Variants in ZSCAN20 observed in about 807,000 individuals in gnomAD.
ZSCAN20 encodes zinc finger and SCAN domain-containing protein 20.
ZSCAN20 carries 39 observed loss-of-function variants against 97.1 expected under a neutral mutation model. The ratio of observed to expected loss-of-function variants is 0.40; its 90% confidence interval spans 0.31 to 0.52. The LOEUF (loss-of-function observed/expected upper bound fraction) is 0.52. Ranked by LOEUF, ZSCAN20 falls within the 20% of genes least tolerant of loss-of-function variation. ZSCAN20 has a pLI of 0.49. For missense variants in ZSCAN20, 1,115 were observed against 1,290.4 expected (o/e 0.86, Z 2.08); for synonymous variants, 456 against 467.3 (o/e 0.98, Z 0.31).
rs12046307 is a variant in ZSCAN20 at position 33,499,384 on chromosome 1, G to A, written c.*3908G>A. Reference sequence around the variant, plus strand: ...CCTTTCTTTCTCTCTTTTCTTCTGTGTAGATGCTAATGACTTCCAGATCTG... The same window carrying A: ...CCTTTCTTTCTCTCTTTTCTTCTGTATAGATGCTAATGACTTCCAGATCTG... On this transcript the variant is annotated 3_prime_UTR_variant, in exon 8 of 8. Transcript: ENST00000684572. Among the ~76,000 whole-genome samples, 22,462 of 151,784 alleles carry A rather than the reference G, an allele frequency of 0.15. 2,169 individuals carry two copies. Among genetic ancestry groups the A allele is most frequent in the East Asian group, 0.38 (1,955 of 5,148 alleles).
In ZSCAN20 at chr1:33,497,109, C is replaced by T. The variant is rs1052801167; in HGVS notation, c.*1633C>T. ...TACCTATCAGATAGTGGATGTGAAG[C>T]AGCCTTGAAGAATGGAACTTTTATT... is the stretch of plus-strand genomic sequence containing the variant. On this transcript the variant is annotated 3_prime_UTR_variant, in exon 8 of 8. Coordinates refer to ENST00000684572, the MANE Select transcript of ZSCAN20 (RefSeq NM_001377376.1). Among the ~76,000 whole-genome samples, 4 of 152,290 alleles carry T rather than the reference C, an allele frequency of 2.6e-5. No homozygotes were observed. The highest frequency in any genetic ancestry group is 9.6e-5 in the African/African-American group (4 of 41,562).
intron 7 of ZSCAN20, among the ~76,000 whole-genome samples, chr1:33,494,014 C>T (rs1272762669): frequency 2.0e-5 from 3 of 152,210 alleles, no homozygotes; most frequent in Non-Finnish European, 4.4e-5. Context: ...GAGTCCATTC[C>T]TCAGCTTTGC....
intron 1 of ZSCAN20, among the ~76,000 whole-genome samples, chr1:33,476,793 T>C (rs1346166061): frequency 6.6e-6 from 1 of 152,230 alleles, no homozygotes; most frequent in East Asian, 1.9e-4. Context: ...TTTCTACATA[T>C]GTGATCTCTC....
chr1:33,479,660 C>T lies in ZSCAN20; in HGVS notation c.372C>T (p.Ala124=), dbSNP rs1267001045. ...CTGAGAGTGGTGAGGAGGCTGTGGC[C>T]TTGGTGGAGGATTGGCACCGAGAGA... ...RHPESGEEAV[A]LVEDWHRETR... The change falls in exon 2 of 8, where the codon GCC becomes GCT. Residue 124 remains alanine, a synonymous_variant. Transcript: ENST00000684572. 4 of 1,596,526 alleles carry T rather than the reference C, an allele frequency of 2.5e-6. No homozygotes were observed. The highest frequency in any genetic ancestry group is 2.2e-5 in the South Asian group (2 of 89,154).
chr1:33,495,100 C>A lies in ZSCAN20; in HGVS notation c.2756C>A (p.Ala919Asp), dbSNP rs779066484. 9 of 1,610,174 alleles carry A rather than the reference C, an allele frequency of 5.6e-6. No individual in the cohort carries two copies. Among genetic ancestry groups the A allele is most frequent in the Non-Finnish European group, 7.6e-6 (9 of 1,177,460 alleles). The change falls in exon 8 of 8, where the codon GCC (alanine) becomes GAC (aspartate). Residue 919 changes from alanine (A) to aspartate (D), a missense_variant. Physicochemically the swap from Ala to Asp is moderately radical, Grantham distance 126 (BLOSUM62 -2). Transcript: ENST00000684572. ...AGCTTCAGTAAGAGCTCCACCCTGG[C>A]CAACCACCAGCGCACCCACACTGGA... ...GKSFSKSSTLANHQRTHTGEK... is the reference protein window; with the variant it reads ...GKSFSKSSTLDNHQRTHTGEK...
Position 33,491,183 on chromosome 1 carries a change from G to A in ZSCAN20, c.925G>A (p.Glu309Lys). The A allele has an allele frequency of 1.2e-6, 2 of 1,614,190 alleles. No individual in the cohort carries two copies. The highest frequency in any genetic ancestry group is 1.7e-6 in the Non-Finnish European group (2 of 1,180,038). The change falls in exon 6 of 8, where the codon GAG becomes AAG. Residue 309 changes from glutamate (E) to lysine (K), a missense_variant. Physicochemically the swap from Glu to Lys is moderately conservative, Grantham distance 56. This residue lies in a region of ZSCAN20 where 508 missense variants were observed against 611.2 expected (regional missense o/e 0.83). Coordinates refer to ENST00000684572, the MANE Select transcript of ZSCAN20 (RefSeq NM_001377376.1). The surrounding 1 kb of genome is among the most constrained non-coding windows in gnomAD (Gnocchi z 4.3). The stretch of plus-strand genomic sequence containing the variant: ...GACCTGGAGGGATTCAAGAGCCTGG[G>A]AGGAACAATACCAGTGGGATGTGGA... ...ALTWRDSRAW[E>K]EQYQWDVEDM...
At chr1:33,490,860 G>T (rs955005823) in intron 5 of ZSCAN20, among the ~76,000 whole-genome samples, 165 bp from the exon 6 acceptor site, 2 of 152,108 alleles carry the variant, frequency 1.3e-5, no homozygotes, top group Non-Finnish European at 2.9e-5. Context: ...TATATTGGTC[G>T]TGTTACCTCT....
At position 33,489,514 on chromosome 1, in the gene ZSCAN20, G is replaced by T. The variant is rs1340773107; in HGVS notation, c.682-4G>T. Reference sequence around the variant, plus strand: ...TTGGGGTCCTTGTCTTGTGCATCTCGCAGGAAGCCCTGGGCCCTGGCAAAC... The same window carrying T: ...TTGGGGTCCTTGTCTTGTGCATCTCTCAGGAAGCCCTGGGCCCTGGCAAAC... On this transcript the variant is annotated splice_polypyrimidine_tract_variant and splice_region_variant and intron_variant, in intron 4 of 7. Coordinates refer to ENST00000684572, the MANE Select transcript of ZSCAN20 (RefSeq NM_001377376.1). 1.9e-6 allele frequency: 3 copies of T among 1,613,954 alleles called. No homozygotes were observed. Among genetic ancestry groups the T allele is most frequent in the South Asian group, 1.1e-5 (1 of 91,058 alleles).
At chr1:33,488,770 G>T (rs1032176592) in intron 3 of ZSCAN20, 119 bp downstream of exon 3, 2 of 1,123,534 alleles carry the variant, frequency 1.8e-6, no homozygotes, top group African/African-American at 3.2e-5. Flanking sequence ...ATAGGCTGCA[G>T]TGTGGTGGGC....
chr1:33,482,077 C>T (rs1430755169), intron 2 of ZSCAN20, among the ~76,000 whole-genome samples: 2 of 152,104 alleles, frequency 1.3e-5, no homozygotes, highest in African/African-American at 2.4e-5. Flanking sequence ...TGTTAGGGCT[C>T]TTAATGTTAT....
chr1:33,487,060 T>TA (rs1652397563), intron 2 of ZSCAN20, among the ~76,000 whole-genome samples: 1 of 152,136 alleles, frequency 6.6e-6, no homozygotes, highest in African/African-American at 2.4e-5. Flanking sequence ...AGTTTTTGTA[T>TA]AAAAAAGAGG....
rs34549868 is a variant in ZSCAN20, at chr1:33,501,536, A to ATTTT, written c.*6071_*6074dup. ...TGCTTTCACTTCCCCATTTTCTGTT[A>ATTTT]TTTTTTTTTTTTTTGTGCTGTTATG... On this transcript the variant is annotated 3_prime_UTR_variant, in exon 8 of 8. Coordinates refer to ENST00000684572, the MANE Select transcript of ZSCAN20 (RefSeq NM_001377376.1). Among the ~76,000 whole-genome samples the ATTTT allele has an allele frequency of 0.043, 5,832 of 136,706 alleles. 225 individuals are homozygous for ATTTT. Among genetic ancestry groups the ATTTT allele is most frequent in the Non-Finnish European group, 0.069 (4,421 of 64,196 alleles). The allele number at this position is 136,706 out of a possible 152,430, so 89.7% of individuals were successfully genotyped here.
At position 33,501,478 on chromosome 1, in the gene ZSCAN20, T is replaced by C. The variant is rs1220105406; in HGVS notation, c.*6002T>C. Among the ~76,000 whole-genome samples, 3 of 151,998 alleles carry C rather than the reference T, an allele frequency of 2.0e-5. No individual in the cohort carries two copies. ...ACAGGCCCTTTTGTTTTGCAATTTGTGGACCAATCCCTGGCTTCATTTTAT... is the reference window on the plus strand; with the variant it reads ...ACAGGCCCTTTTGTTTTGCAATTTGCGGACCAATCCCTGGCTTCATTTTAT... On this transcript the variant is annotated 3_prime_UTR_variant, in exon 8 of 8. Coordinates refer to ENST00000684572, the MANE Select transcript of ZSCAN20 (RefSeq NM_001377376.1).
rs151112333 is a variant in ZSCAN20, at chr1:33,497,582, G to A, written c.*2106G>A. ...GTGTCAACACCAGGCCCGGGGCAATGTTCAGATGTGCATGGTTGAAATCTG... is the reference window on the plus strand; with the variant it reads ...GTGTCAACACCAGGCCCGGGGCAATATTCAGATGTGCATGGTTGAAATCTG... On this transcript the variant is annotated 3_prime_UTR_variant, in exon 8 of 8. Transcript: ENST00000684572. Among the ~76,000 whole-genome samples, 427 of 152,310 alleles carry A rather than the reference G, an allele frequency of 2.8e-3. No individual in the cohort carries two copies. Among genetic ancestry groups the A allele is most frequent in the African/African-American group, 9.5e-3 (396 of 41,572 alleles).
chr1:33,473,449 A>C (rs191090589), intron 1 of ZSCAN20, among the ~76,000 whole-genome samples: 3 of 152,116 alleles, frequency 2.0e-5, no homozygotes, highest in Admixed American at 2.0e-4. Context: ...CTTCTGCTTG[A>C]AAACTTTCAT....
chr1:33,487,697 C>T (rs1242077802), intron 2 of ZSCAN20, among the ~76,000 whole-genome samples: 1 of 152,174 alleles, frequency 6.6e-6, no homozygotes, highest in Non-Finnish European at 1.5e-5. Context: ...GGCTGGAGTG[C>T]AGTGGCATGA....
Position 33,491,697 on chromosome 1 carries a change from G to A in ZSCAN20, c.1439G>A (p.Arg480His), listed in dbSNP as rs578037564. 1.7e-5 allele frequency: 27 copies of A among 1,583,886 alleles called. No homozygotes were observed. The highest frequency in any genetic ancestry group is 1.7e-4 in the Middle Eastern group (1 of 5,882). Residue 480 changes from arginine (R) to histidine (H), a missense_variant, in exon 6 of 8, where the codon CGT becomes CAT. By Grantham distance (29) the Arg-to-His change is conservative. Transcript: ENST00000684572. This position sits in a 1 kb window ranked among gnomAD's most constrained non-coding sequence, Gnocchi z 4.3. ...GGGGCCCCAGCTCTGTTCCAGAGTC[G>A]TATTGGTAAGAACATGGGGGTTTAG... is the stretch of plus-strand genomic sequence containing the variant. Reference protein sequence around the residue: ...IAGAPALFQSRIAGVHWGYEE... With the variant: ...IAGAPALFQSHIAGVHWGYEE...
chr1:33,491,392 T>C lies in ZSCAN20; in HGVS notation c.1134T>C (p.Tyr378=). 1 of 1,614,164 alleles carries C rather than the reference T, an allele frequency of 6.2e-7. No individual in the cohort carries two copies. Among genetic ancestry groups the C allele is most frequent in the Non-Finnish European group, 8.5e-7 (1 of 1,180,020 alleles). Residue 378 remains tyrosine, a synonymous_variant, in exon 6 of 8, where the codon TAT becomes TAC. Transcript: ENST00000684572. This position sits in a 1 kb window ranked among gnomAD's most constrained non-coding sequence, Gnocchi z 4.3. ...TGCGGACACTGGAGCAATGTCGCTA[T>C]AGGGTCAAAAACCTCCTACGGAATT... ...GFLRTLEQCR[Y]RVKNLLRNYR...
intron 2 of ZSCAN20, 69 bp from the exon 3 acceptor site, chr1:33,488,396 G>T (rs1652449313): frequency 6.6e-7 from 1 of 1,521,782 alleles, no homozygotes; most frequent in Admixed American, 1.9e-5. Context: ...CTGGACTGCA[G>T]TTGTACTCAA....
Sources: gnomAD v4.1 joint callset for allele counts (sites outside exome capture counted in the v4.1 genomes callset) on GRCh38, gnomAD v4.1.1 for gene constraint, gnomAD v4.1.1 regional missense constraint, Gnocchi (gnomAD v3.1) non-coding constraint, MANE v1.5 for transcripts, NCBI Gene and HGNC (gene_info 2026-07-23, HGNC 2026-07-21) for gene names.